Variants in MMP27 observed in about 807,000 individuals in gnomAD.
MMP27 encodes the protein matrix metallopeptidase 27.
A neutral mutation model predicts 48.1 loss-of-function variants in MMP27; 51 were observed. That is an observed-to-expected ratio of 1.06 (90% CI 0.85 to 1.34). The LOEUF (loss-of-function observed/expected upper bound fraction) is 1.34. Among genes scored for constraint, MMP27 ranks in the 40% most tolerant of loss-of-function variants. MMP27 has a pLI of 0.00. For missense variants in MMP27, 698 were observed against 619.3 expected, an observed-to-expected ratio of 1.13 and a Z score of -1.35; for synonymous variants, 229 against 208.9, an observed-to-expected ratio of 1.10 and a Z score of -0.83.
At chr11:102,700,755 A>G (rs1860924869) in intron 4 of MMP27, among the ~76,000 whole-genome samples, 1 of 152,250 alleles carries the variant, frequency 6.6e-6, no homozygotes, top group Non-Finnish European at 1.5e-5. Context: ...CCACACACAC[A>G]CTCACAATAG....
chr11:102,700,210 A>G (rs535514736), intron 4 of MMP27, among the ~76,000 whole-genome samples: 3 of 152,224 alleles, frequency 2.0e-5, no homozygotes, highest in African/African-American at 4.8e-5. Flanking sequence ...TTATTTACCA[A>G]TGATTTGTAG....
Position 102,696,503 on chromosome 11 carries a change from A to C in MMP27, c.782-12T>G, listed in dbSNP as rs537500150. The C allele has an allele frequency of 6.2e-7, 1 of 1,612,092 alleles. No individual in the cohort carries two copies. Among genetic ancestry groups the C allele is most frequent in the South Asian group, 1.1e-5 (1 of 90,602 alleles). ...CTTAGGCAGACCTCCTTTGATGAGAAAAAAAATACCACAATGAATTAAGAG... is the reference window on the plus strand; with the variant it reads ...CTTAGGCAGACCTCCTTTGATGAGACAAAAAATACCACAATGAATTAAGAG... On this transcript the variant is annotated splice_polypyrimidine_tract_variant and intron_variant, in intron 5 of 9. Transcript: ENST00000260229.
In MMP27 at chr11:102,691,804, T is replaced by C; in HGVS notation, c.1504A>G (p.Ile502Val). Residue 502 changes from isoleucine to valine, a missense_variant, in exon 10 of 10, where the codon ATT (isoleucine) becomes GTT (valine). Physicochemically the swap from Ile to Val is conservative, Grantham distance 29 (BLOSUM62 3). Transcript: ENST00000260229. The part of the protein sequence containing the change: ...HKSLSLFIFG[I>V]VHLLKNTSIY... ...GAAGTGTTTTTCAGCAAATGAACAA[T>C]ACCAAAAATAAACAAGCTTAAACTC... 1 of 1,607,304 alleles carries C rather than the reference T, an allele frequency of 6.2e-7. No individual in the cohort carries two copies. Among genetic ancestry groups the C allele is most frequent in the Non-Finnish European group, 8.5e-7 (1 of 1,175,588 alleles).
chr11:102,695,644 G>T (rs959497211), intron 6 of MMP27, among the ~76,000 whole-genome samples: 1 of 152,168 alleles, frequency 6.6e-6, no homozygotes, highest in South Asian at 2.1e-4. Context: ...GAGAATGGTG[G>T]TGATAACATG....
chr11:102,698,812 A>G (rs755458952), intron 4 of MMP27, among the ~76,000 whole-genome samples: 20 of 152,058 alleles, frequency 1.3e-4, no homozygotes, highest in Non-Finnish European at 2.1e-4. Context: ...ACTCCCCTCT[A>G]AAGTTATTTC....
At chr11:102,704,135 C>T (rs1451422561) in intron 2 of MMP27, among the ~76,000 whole-genome samples, 1 of 152,196 alleles carries the variant, frequency 6.6e-6, no homozygotes, top group East Asian at 1.9e-4. Context: ...CTCACACACA[C>T]ATGTCTCTGA....
intron 4 of MMP27, among the ~76,000 whole-genome samples, chr11:102,702,454 C>A (rs1255217112): frequency 6.6e-6 from 1 of 152,236 alleles, no homozygotes; most frequent in East Asian, 1.9e-4. Flanking sequence ...AAGGCTTACA[C>A]TTTTCTAGTA....
chr11:102,697,085 T>C (rs1409878016), intron 4 of MMP27, among the ~76,000 whole-genome samples: 1 of 152,236 alleles, frequency 6.6e-6, no homozygotes. Flanking sequence ...CAAACCTAGA[T>C]GGCACAGCCC....
chr11:102,696,657 T>A lies in MMP27; in HGVS notation c.781+17A>T. On this transcript the variant is annotated intron_variant, in intron 5 of 9. Transcript: ENST00000260229. Reference sequence around the variant, plus strand: ...CCTATTTAGTTCACATATATTGAGATTTATAATTTTGCTCACCATAGATGG... The same window carrying A: ...CCTATTTAGTTCACATATATTGAGAATTATAATTTTGCTCACCATAGATGG... The A allele has an allele frequency of 6.3e-7, 1 of 1,593,916 alleles. No homozygotes were observed. The highest frequency in any genetic ancestry group is 1.4e-5 in the African/African-American group (1 of 73,764).
rs542700216 is a variant in MMP27, at chr11:102,700,346, T to C, written c.619+2407A>G. The stretch of plus-strand genomic sequence containing the variant: ...TTGTGCATTATACATTCATAGCTTT[T>C]CAAATATTTTTCCTTATGCCTAGAA... On this transcript the variant is annotated intron_variant, in intron 4 of 9. Coordinates refer to ENST00000260229, the MANE Select transcript of MMP27 (RefSeq NM_022122.3). 5.9e-5 allele frequency among the ~76,000 whole-genome samples: 9 copies of C among 152,342 alleles called. No individual in the cohort carries two copies. In the South Asian group the frequency reaches 6.2e-4, roughly 11 times the overall value.
At chr11:102,695,672 A>T (rs750814922) in intron 6 of MMP27, among the ~76,000 whole-genome samples, 3 of 152,184 alleles carry the variant, frequency 2.0e-5, no homozygotes, top group Non-Finnish European at 4.4e-5. Flanking sequence ...AACGCGATAT[A>T]TTCATGGGTG....
At chr11:102,693,771 C>G in intron 8 of MMP27, 135 bp downstream of exon 8, 1 of 688,606 alleles carries the variant, frequency 1.5e-6, no homozygotes, top group Non-Finnish European at 2.2e-6. Context: ...GGAGACAGAG[C>G]AAGACTCCAT....
intron 4 of MMP27, among the ~76,000 whole-genome samples, chr11:102,700,342 C>A (rs1388229835): frequency 6.6e-6 from 1 of 152,172 alleles, no homozygotes; most frequent in Non-Finnish European, 1.5e-5. Context: ...ACATTCATAG[C>A]TTTTCAAATA....
At chr11:102,698,369 T>C (rs181143157) in intron 4 of MMP27, among the ~76,000 whole-genome samples, 3 of 152,204 alleles carry the variant, frequency 2.0e-5, no homozygotes. Context: ...GACCAAAATA[T>C]GATTAAATGG....
At chr11:102,701,759 C>T (rs554169830) in intron 4 of MMP27, among the ~76,000 whole-genome samples, 1 of 152,212 alleles carries the variant, frequency 6.6e-6, no homozygotes, top group Non-Finnish European at 1.5e-5. Flanking sequence ...TTCACTGGCA[C>T]TTGGAAAAAC....
chr11:102,699,633 T>C (rs1860901149), intron 4 of MMP27, among the ~76,000 whole-genome samples: 1 of 152,236 alleles, frequency 6.6e-6, no homozygotes, highest in Non-Finnish European at 1.5e-5. Context: ...TCATGGTCTT[T>C]GACACTTTTC....
At chr11:102,696,220 T>G (rs1030813984) in intron 6 of MMP27, 151 bp downstream of exon 6, 3 of 674,612 alleles carry the variant, frequency 4.4e-6, no homozygotes, top group Non-Finnish European at 7.2e-6. Flanking sequence ...GAGACACACA[T>G]ATGGTAAAGC....
intron 4 of MMP27, among the ~76,000 whole-genome samples, chr11:102,697,786 G>A (rs1860858779): frequency 6.6e-6 from 1 of 152,194 alleles, no homozygotes; most frequent in South Asian, 2.1e-4. Flanking sequence ...TTACAGGTGT[G>A]AGCCACCATA....
intron 4 of MMP27, 75 bp downstream of exon 4, chr11:102,702,678 G>C: frequency 6.7e-7 from 1 of 1,483,444 alleles, no homozygotes; most frequent in Non-Finnish European, 9.1e-7. Flanking sequence ...TTAAAAAGCA[G>C]CTAGTTACAA....
Sources: allele counts gnomAD v4.1 joint callset (sites outside exome capture counted in the v4.1 genomes callset), GRCh38; gene constraint gnomAD v4.1.1; transcripts MANE v1.5; gene names NCBI Gene and HGNC (gene_info 2026-07-23, HGNC 2026-07-21).